The following SPATA6 variants were observed in gnomAD, a reference collection of about 807,000 sequenced individuals.
SPATA6 encodes the protein spermatogenesis associated 6, also known as spermatogenesis-associated protein 6.
A neutral mutation model predicts 65.3 loss-of-function variants in SPATA6; 56 were observed. That is an observed-to-expected ratio of 0.86 (90% confidence interval 0.69 to 1.07). SPATA6 has a LOEUF of 1.07. Ranked by LOEUF, SPATA6 falls within the 50% of genes least tolerant of loss-of-function variation. SPATA6 has a pLI of 0.00. For missense variants in SPATA6, 590 were observed against 594.8 expected (o/e 0.99, Z 0.08); for synonymous variants, 199 against 213.2 (o/e 0.93, Z 0.58).
chr1:48,412,016 G>A (rs909408392), intron 4 of SPATA6, among the ~76,000 whole-genome samples: 2 of 151,896 alleles, frequency 1.3e-5, no homozygotes, highest in African/African-American at 4.8e-5. Context: ...ACAGGCATGC[G>A]CCACCACACC....
intron 1 of SPATA6, among the ~76,000 whole-genome samples, chr1:48,459,966 T>C (rs1294368595): frequency 1.3e-5 from 2 of 152,144 alleles, no homozygotes; most frequent in African/African-American, 4.8e-5. Context: ...TTGTGGGATG[T>C]AATTAAGTCA....
the SPATA6 span, among the ~76,000 whole-genome samples, chr1:48,281,150 A>C: frequency 0.6 from 90,830 of 151,840 alleles, 27,879 homozygotes; most frequent in East Asian, 0.81. Context: ...ATGCTAAAAA[A>C]TCTCAATAAA....
intron 11 of SPATA6, among the ~76,000 whole-genome samples, chr1:48,332,575 A>G (rs1355049919): frequency 6.6e-6 from 1 of 152,222 alleles, no homozygotes; most frequent in Non-Finnish European, 1.5e-5. Flanking sequence ...AGATTCATAA[A>G]GCAAATACTT....
intron 9 of SPATA6, among the ~76,000 whole-genome samples, chr1:48,367,732 G>A (rs1041856388): frequency 2.0e-5 from 3 of 152,052 alleles, no homozygotes; most frequent in Non-Finnish European, 4.4e-5. Context: ...CACACTGATG[G>A]GTCTTGACTC....
At chr1:48,325,400 G>T in intron 11 of SPATA6, 1 of 1,374,856 alleles carries the variant, frequency 7.3e-7, no homozygotes, top group Non-Finnish European at 1.0e-6. Context: ...GGCCCAAGGA[G>T]CCAGGGCCCT....
At chr1:48,378,071 G>C (rs1557638212) in intron 9 of SPATA6, among the ~76,000 whole-genome samples, 2 of 152,160 alleles carry the variant, frequency 1.3e-5, no homozygotes, top group Admixed American at 6.5e-5. Flanking sequence ...CAGATCGAAA[G>C]TATCCTCAAT....
At chr1:48,471,344 C>T (rs1349014157) in intron 1 of SPATA6, among the ~76,000 whole-genome samples, 1 of 152,058 alleles carries the variant, frequency 6.6e-6, no homozygotes, top group Non-Finnish European at 1.5e-5. Flanking sequence ...GGTCTGGGGA[C>T]GGGAGGGGCC....
chr1:48,306,198 T>C (rs1020904573), intron 11 of SPATA6, among the ~76,000 whole-genome samples: 1 of 152,006 alleles, frequency 6.6e-6, no homozygotes, highest in African/African-American at 2.4e-5. Flanking sequence ...ATCTTATACA[T>C]TGTTATATGA....
At chr1:48,432,670 G>A (rs531072317) in intron 3 of SPATA6, among the ~76,000 whole-genome samples, 4 of 152,136 alleles carry the variant, frequency 2.6e-5, no homozygotes, top group Non-Finnish European at 5.9e-5. Flanking sequence ...GAATCCTTGT[G>A]CAGTTGAAGA....
chr1:48,294,307 C>T (rs745803111), downstream of SPATA6, among the ~76,000 whole-genome samples: 4 of 152,138 alleles, frequency 2.6e-5, no homozygotes, highest in Non-Finnish European at 5.9e-5. Flanking sequence ...AAATACCTGA[C>T]CTCAGATGAT....
chr1:48,322,811 T>G (rs1436107045), intron 11 of SPATA6, among the ~76,000 whole-genome samples: 1 of 152,204 alleles, frequency 6.6e-6, no homozygotes, highest in East Asian at 1.9e-4. Flanking sequence ...CCAACAAACT[T>G]ATGAAAAAAT....
chr1:48,384,047 T>C (rs1322265884), intron 9 of SPATA6, among the ~76,000 whole-genome samples: 3 of 151,118 alleles, frequency 2.0e-5, no homozygotes, highest in Non-Finnish European at 4.4e-5. Flanking sequence ...CTGGGCACCA[T>C]TGAGCACTGA....
chr1:48,352,279 C>T (rs1054380726), intron 11 of SPATA6, among the ~76,000 whole-genome samples: 1 of 152,042 alleles, frequency 6.6e-6, no homozygotes, highest in Non-Finnish European at 1.5e-5. Context: ...TTACCTCCCA[C>T]AGGGTCCCTC....
downstream of SPATA6, among the ~76,000 whole-genome samples, chr1:48,294,800 T>C (rs1332183883): frequency 6.6e-6 from 1 of 152,178 alleles, no homozygotes; most frequent in South Asian, 2.1e-4. Flanking sequence ...ACTGCATTAG[T>C]CATATTCTAC....
intron 3 of SPATA6, among the ~76,000 whole-genome samples, chr1:48,444,550 G>A (rs1332666244): frequency 6.7e-6 from 1 of 150,214 alleles, no homozygotes; most frequent in African/African-American, 2.4e-5. Flanking sequence ...CTGTAAAACG[G>A]ACCAATCAGC....
intron 9 of SPATA6, among the ~76,000 whole-genome samples, chr1:48,366,122 C>G (rs545222892): frequency 6.6e-6 from 1 of 152,160 alleles, no homozygotes; most frequent in African/African-American, 2.4e-5. Context: ...GTTGAACCAG[C>G]CTTGCATCCC....
rs1204966649 is a variant in SPATA6, at chr1:48,383,479, A to AC, written c.909+1829dup. Among the ~76,000 whole-genome samples, 35 of 22,390 alleles carry AC rather than the reference A, an allele frequency of 1.6e-3. 14 individuals are homozygous for AC. The South Asian group carries it at 0.016, about 10-fold the overall frequency. The allele number at this position is 22,390 out of a possible 152,430, so 14.7% of individuals were successfully genotyped here. On this transcript the variant is annotated intron_variant, in intron 9 of 12. Transcript: ENST00000371847. Reference sequence around the variant, plus strand: ...GGGGCGGCTGGCCGGCGGGGGGCTGACCCCCCCCACCTCCCTCCCGGACGG... The same window carrying AC: ...GGGGCGGCTGGCCGGCGGGGGGCTGACCCCCCCCCACCTCCCTCCCGGACGG...
In SPATA6 at chr1:48,325,317, G is replaced by A. The variant is rs72891567; in HGVS notation, c.1195-19439C>T. 11,963 of 1,213,586 alleles carry A rather than the reference G, an allele frequency of 9.9e-3. 294 individuals carry two copies. The highest frequency in any genetic ancestry group is 0.069 in the African/African-American group (4,504 of 65,576). The allele number at this position is 1,213,586 out of a possible 1,614,324, so 75.2% of individuals were successfully genotyped here. On this transcript the variant is annotated intron_variant, in intron 11 of 12. Coordinates refer to ENST00000371847, the MANE Select transcript of SPATA6 (RefSeq NM_019073.4). Reference sequence around the variant, plus strand: ...AAACTGGGAGCCTGCTTCACTGTGTGTAGGGCACAGGCCCCCGTAGAGTCC... The same window carrying A: ...AAACTGGGAGCCTGCTTCACTGTGTATAGGGCACAGGCCCCCGTAGAGTCC...
intron 3 of SPATA6, among the ~76,000 whole-genome samples, chr1:48,448,257 T>C (rs1390988361): frequency 4.1e-5 from 5 of 120,758 alleles, no homozygotes; most frequent in African/African-American, 1.7e-4. Flanking sequence ...GAAGATCCTG[T>C]CTCAAAAAAA....
Sources: allele counts gnomAD v4.1 joint callset (sites outside exome capture counted in the v4.1 genomes callset), GRCh38; gene constraint gnomAD v4.1.1; transcripts MANE v1.5; gene names NCBI Gene and HGNC (gene_info 2026-07-23, HGNC 2026-07-21).